Variants in CEP70 observed in about 807,000 individuals in gnomAD.
CEP70 encodes the protein centrosomal protein of 70 kDa.
A neutral mutation model predicts 90.9 loss-of-function variants in CEP70; 70 were observed. That is an observed-to-expected ratio of 0.77 (90% confidence interval 0.64 to 0.94). The LOEUF is 0.94. Among genes scored for constraint, CEP70 ranks in the 40% least tolerant of loss-of-function variants. The pLI, the probability that CEP70 is intolerant of heterozygous loss-of-function variation, is 0.00. For synonymous variants in CEP70, 220 were observed against 228.3 expected (o/e 0.96, Z 0.33); for missense variants, 648 against 669.0 (o/e 0.97, Z 0.35).
chr3:138,543,505 GCTTT>G (rs1186047029), intron 6 of CEP70, among the ~76,000 whole-genome samples: 1 of 152,216 alleles, frequency 6.6e-6, no homozygotes, highest in Non-Finnish European at 1.5e-5. Flanking sequence ...GGGGCAGGGG[GCTTT>G]CCAGGCCCAT....
Position 138,499,830 on chromosome 3 carries a change from T to TA in CEP70, c.1652+279_1652+280insT. The TA allele has an allele frequency of 1.4e-5, 4 of 291,894 alleles. No individual in the cohort carries two copies. In the South Asian group the frequency reaches 1.9e-4, roughly 14 times the overall value. 18.1% of individuals were successfully genotyped at this position (291,894 alleles called of 1,614,324 possible). On this transcript the variant is annotated intron_variant, in intron 16 of 17. Transcript: ENST00000264982. ...CAAATTAGCTGGGCGTGGTGGCGTG[T>TA]GCTTACAGTCACACACACACACAAA...
At position 138,529,380 on chromosome 3, in the gene CEP70, A is replaced by G. The variant is rs778383267; in HGVS notation, c.775T>C (p.Leu259=). 4 of 1,603,920 alleles carry G rather than the reference A, an allele frequency of 2.5e-6. No individual in the cohort carries two copies. Among genetic ancestry groups the G allele is most frequent in the Non-Finnish European group, 3.4e-6 (4 of 1,174,048 alleles). ...LDASPTYKGL[L]MSLQNQLKES... is the part of the protein sequence containing the mutation. The stretch of plus-strand genomic sequence containing the variant: ...TAGTTATGCAGTCCCCATACCATTA[A>G]AAGGCCTTTATAAGTTGGTGAGGCA... The change falls in exon 9 of 18, where the codon TTA becomes CTA. Residue 259 remains leucine (L), a synonymous_variant. Transcript: ENST00000264982.
chr3:138,555,392 A>G (rs1378861095), intron 6 of CEP70, among the ~76,000 whole-genome samples: 1 of 152,202 alleles, frequency 6.6e-6, no homozygotes, highest in Non-Finnish European at 1.5e-5. Flanking sequence ...CCAAGAACTC[A>G]AAAGCAAATG....
At chr3:138,511,988 T>C (rs2035579476) in intron 11 of CEP70, among the ~76,000 whole-genome samples, 1 of 152,216 alleles carries the variant, frequency 6.6e-6, no homozygotes, top group African/African-American at 2.4e-5. Flanking sequence ...GATGTAGCTT[T>C]AGAACTGGAG....
intron 2 of CEP70, among the ~76,000 whole-genome samples, chr3:138,584,444 A>G (rs561661796): frequency 1.7e-3 from 233 of 135,400 alleles, no homozygotes; most frequent in Non-Finnish European, 2.9e-3. Flanking sequence ...TGATACCAAA[A>G]CCAGACAAAG....
At chr3:138,554,636 T>C (rs2039863516) in intron 6 of CEP70, among the ~76,000 whole-genome samples, 1 of 152,120 alleles carries the variant, frequency 6.6e-6, no homozygotes, top group Non-Finnish European at 1.5e-5. Flanking sequence ...GATACAAAAT[T>C]AATGTACATA....
chr3:138,563,363 A>G (rs1330422957), intron 6 of CEP70, among the ~76,000 whole-genome samples: 1 of 152,222 alleles, frequency 6.6e-6, no homozygotes, highest in East Asian at 1.9e-4. Flanking sequence ...ATAGATATCT[A>G]CAGAACTCTC....
rs148392207 is a variant in CEP70 at position 138,538,208 on chromosome 3, A to G, written c.466-861T>C. ...GAGAGCAACCAAAGACAAAGATGGA[A>G]GGTGGGAATAGCAGCAACCCCAGCC... On this transcript the variant is annotated intron_variant, in intron 6 of 17. Coordinates refer to ENST00000264982, the MANE Select transcript of CEP70 (RefSeq NM_024491.4). 5.6e-3 allele frequency among the ~76,000 whole-genome samples: 860 copies of G among 152,328 alleles called. 10 individuals carry two copies. The highest frequency in any genetic ancestry group is 0.019 in the African/African-American group (799 of 41,572).
chr3:138,581,935 T>C (rs539496475), intron 2 of CEP70, among the ~76,000 whole-genome samples: 1 of 151,536 alleles, frequency 6.6e-6, no homozygotes, highest in African/African-American at 2.4e-5. Flanking sequence ...TAATATACAA[T>C]GGAGCTCCGT....
chr3:138,555,248 CAA>C (rs200406072), intron 6 of CEP70, among the ~76,000 whole-genome samples: 3 of 127,202 alleles, frequency 2.4e-5, no homozygotes, highest in African/African-American at 3.0e-5. Context: ...GACTCCATCT[CAA>C]AAAAAAAAAA....
chr3:138,584,870 C>A (rs2042035866), intron 2 of CEP70, among the ~76,000 whole-genome samples: 2 of 152,094 alleles, frequency 1.3e-5, no homozygotes, highest in South Asian at 4.1e-4. Context: ...AACTGAAAGC[C>A]TTTCCTCTAA....
intron 6 of CEP70, among the ~76,000 whole-genome samples, chr3:138,552,565 C>G (rs1253933019): frequency 1.3e-5 from 2 of 152,110 alleles, no homozygotes; most frequent in African/African-American, 4.8e-5. Flanking sequence ...ATAACCTGCT[C>G]CTGAATGATC....
rs35031657 is a variant in CEP70 at position 138,566,803 on chromosome 3, G to GTATA, written c.465+3511_465+3514dup. On this transcript the variant is annotated intron_variant, in intron 6 of 17. Coordinates refer to ENST00000264982, the MANE Select transcript of CEP70 (RefSeq NM_024491.4). ...CTGCACATGTACCCCAGAACTTAAA[G>GTATA]TATATATATATATATAAAAAAAAAA... 4.5e-3 allele frequency among the ~76,000 whole-genome samples: 668 copies of GTATA among 148,500 alleles called. 6 individuals are homozygous for GTATA. The highest frequency in any genetic ancestry group is 0.019 in the East Asian group (96 of 5,034).
At chr3:138,559,756 A>G (rs916138533) in intron 6 of CEP70, among the ~76,000 whole-genome samples, 6 of 152,302 alleles carry the variant, frequency 3.9e-5, no homozygotes, top group Admixed American at 3.3e-4. Context: ...AAAAACAAGG[A>G]GAAAAATATT....
chr3:138,532,405 C>T (rs1353013144), intron 8 of CEP70, 109 bp downstream of exon 8: 3 of 908,592 alleles, frequency 3.3e-6, no homozygotes, highest in Non-Finnish European at 1.5e-6. Context: ...TTCACAGTGA[C>T]ATATTAGGTG....
In CEP70 at chr3:138,497,912, T is replaced by C. The variant is rs1436562216; in HGVS notation, c.1732+119A>G. 5.5e-5 allele frequency: 83 copies of C among 1,512,422 alleles called. No homozygotes were observed. The Admixed American group carries it at 1.5e-3, about 27-fold the overall frequency. 93.7% of individuals were successfully genotyped at this position (1,512,422 alleles called of 1,614,324 possible). ...CTTGTAAGGAATGTGTTTCCAGAAC[T>C]GTTAGTGGTTTCCAACCACTAGGTA... On this transcript the variant is annotated intron_variant, in intron 17 of 17. Coordinates refer to ENST00000264982, the MANE Select transcript of CEP70 (RefSeq NM_024491.4).
In CEP70 at chr3:138,500,912, T is replaced by C. The variant is rs201668440; in HGVS notation, c.1222-31A>G. The C allele has an allele frequency of 1.6e-4, 180 of 1,146,094 alleles. 1 individual carries two copies. The African/African-American group carries it at 2.5e-3, about 16-fold the overall frequency. The allele number at this position is 1,146,094 out of a possible 1,614,324, so 71.0% of individuals were successfully genotyped here. ...TAACAAAAGAAACTATATGGTATTA[T>C]TGATTTAAATAATTTCTATAGTAAC... On this transcript the variant is annotated intron_variant, in intron 13 of 17. Transcript: ENST00000264982.
chr3:138,521,652 G>A (rs1430814528), intron 11 of CEP70, among the ~76,000 whole-genome samples: 5 of 125,304 alleles, frequency 4.0e-5, no homozygotes, highest in South Asian at 2.7e-4. Context: ...GCCCGGCCGC[G>A]ACCCCGTCTG....
intron 2 of CEP70, among the ~76,000 whole-genome samples, chr3:138,578,126 C>T (rs773450): frequency 0.45 from 68,540 of 152,106 alleles, 17,195 homozygotes; most frequent in Admixed American, 0.6. Context: ...TGGTGTAGTA[C>T]CGTTGGCCCT....
Sources: gnomAD v4.1 joint callset for allele counts (sites outside exome capture counted in the v4.1 genomes callset) on GRCh38, gnomAD v4.1.1 for gene constraint, MANE v1.5 for transcripts, NCBI Gene and HGNC (gene_info 2026-07-23, HGNC 2026-07-21) for gene names.